Variants in MID1 observed in about 807,000 individuals in gnomAD.
MID1 encodes the protein E3 ubiquitin-protein ligase Midline-1.
In MID1, 7 loss-of-function variants were observed where a neutral mutation model predicts 40.4. The ratio of observed to expected loss-of-function variants is 0.17; its 90% CI spans 0.10 to 0.33. The LOEUF is 0.33. Among genes scored for constraint, MID1 ranks in the 10% least tolerant of loss-of-function variants. The probability of loss-of-function intolerance (pLI) is 1.00; values close to 1 mark genes in which losing one functional copy is unlikely to be tolerated. For missense variants in MID1, 367 were observed against 558.5 expected (o/e 0.66, Z 3.46); for synonymous variants, 229 against 221.2 (o/e 1.04, Z -0.31).
intron 1 of MID1, 69 bp downstream of exon 1, chrX:10,620,221 A>G (rs1352591690): frequency 1.8e-5 from 2 of 112,646 alleles, no homozygotes; most frequent in Non-Finnish European, 1.9e-5. Flanking sequence ...AGCTCTCCGC[A>G]GTAACACGTC....
chrX:10,756,810 T>C (rs760677274), intron 1 of MID1, among the ~76,000 whole-genome samples: 1 of 112,112 alleles, frequency 8.9e-6, no homozygotes, highest in Admixed American at 9.5e-5. Context: ...ATATATAGAT[T>C]TCCAGATAAG....
intron 1 of MID1, among the ~76,000 whole-genome samples, chrX:10,651,949 C>T (rs1477508114): frequency 6.3e-5 from 7 of 111,534 alleles, no homozygotes; most frequent in Non-Finnish European, 1.3e-4. Context: ...TCCTAAGCTC[C>T]AATTGCTTTA....
At chrX:10,568,463 G>A (rs1934633205) in intron 1 of MID1, among the ~76,000 whole-genome samples, 1 of 111,584 alleles carries the variant, frequency 9.0e-6, no homozygotes. Context: ...CATGTGATAA[G>A]TTATGTTATG....
At chrX:10,505,239 A>G (rs1245172684) in intron 3 of MID1, 2 of 476,890 alleles carry the variant, frequency 4.2e-6, no homozygotes, top group African/African-American at 5.3e-5. Context: ...GACTTCTGTC[A>G]CAATTATAAT....
chrX:10,641,879 C>A (rs944340781), intron 1 of MID1, among the ~76,000 whole-genome samples: 2 of 111,613 alleles, frequency 1.8e-5, no homozygotes. Context: ...AATCAGTAAA[C>A]GTAATCCATC....
At chrX:10,592,314 C>CCT (rs768026419) in intron 1 of MID1, among the ~76,000 whole-genome samples, 2 of 100,636 alleles carry the variant, frequency 2.0e-5, no homozygotes, top group East Asian at 6.1e-4. Context: ...GACCATCTGG[C>CCT]CTCTCTCTGC....
At chrX:10,741,464 C>CT (rs35271950) in intron 1 of MID1, among the ~76,000 whole-genome samples, 203 of 100,167 alleles carry the variant, frequency 2.0e-3, no homozygotes, top group Non-Finnish European at 2.5e-3. Flanking sequence ...TCATTCCCCT[C>CT]TTTTTTTTTT....
rs150187469 is a variant in MID1, at chrX:10,603,892, A to T, written c.-57+16398T>A. On this transcript the variant is annotated intron_variant, in intron 1 of 9. Coordinates refer to ENST00000317552, the MANE Select transcript of MID1 (RefSeq NM_000381.4). ...ACCAGGATAAGGTTTGAGACCAAAG[A>T]TCTTTAACTCCCAACGATATAGATT... Among the ~76,000 whole-genome samples, 14 of 111,509 alleles carry T rather than the reference A, an allele frequency of 1.3e-4. No individual in the cohort carries two copies. The East Asian group carries it at 3.9e-3, about 31-fold the overall frequency.
chrX:10,647,638 G>C (rs1466273291), intron 1 of MID1, among the ~76,000 whole-genome samples: 2 of 111,715 alleles, frequency 1.8e-5, no homozygotes, highest in Non-Finnish European at 3.8e-5. Context: ...TATCTATTTG[G>C]GGGTTAGTAG....
At chrX:10,576,005 GA>G (rs1204108526) in intron 1 of MID1, among the ~76,000 whole-genome samples, 4 of 103,332 alleles carry the variant, frequency 3.9e-5, no homozygotes, top group East Asian at 3.0e-4. Context: ...GGGACTGTTT[GA>G]AAAAAAAAAG....
chrX:10,549,152 A>T (rs1169582906), intron 2 of MID1, among the ~76,000 whole-genome samples: 1 of 112,809 alleles, frequency 8.9e-6, no homozygotes, highest in Non-Finnish European at 1.9e-5. Flanking sequence ...GGTAAATACC[A>T]TCAAAATGCA....
At position 10,461,083 on chromosome X, in the gene MID1, A is replaced by AAT. The variant is rs35175429; in HGVS notation, c.1286-1278_1286-1277dup. Among the ~76,000 whole-genome samples the AAT allele has an allele frequency of 1.3e-3, 131 of 99,342 alleles. 1 individual carries two copies. Among genetic ancestry groups the AAT allele is most frequent in the South Asian group, 3.7e-3 (8 of 2,176 alleles). The allele number at this position is 99,342 out of a possible 115,157, so 86.3% of individuals were successfully genotyped here. On this transcript the variant is annotated intron_variant, in intron 7 of 9. Transcript: ENST00000317552. ...TTTTCAAGTACACATCAGTGAATTA[A>AAT]ATATATATATATATATATGTATGTA...
At chrX:10,791,063 T>A (rs944391496) in intron 1 of MID1, among the ~76,000 whole-genome samples, 3 of 112,546 alleles carry the variant, frequency 2.7e-5, no homozygotes, top group African/African-American at 6.5e-5. Context: ...AATTATTGCT[T>A]AAAAGCAATG....
chrX:10,553,505 T>C (rs1050116412), intron 2 of MID1, among the ~76,000 whole-genome samples: 17 of 111,740 alleles, frequency 1.5e-4, no homozygotes, highest in Admixed American at 1.2e-3. Context: ...TAACTAAATA[T>C]GAATATTAAC....
intron 1 of MID1, among the ~76,000 whole-genome samples, chrX:10,710,034 G>A (rs960419): frequency 0.17 from 18,929 of 111,142 alleles, 2,600 homozygotes; most frequent in African/African-American, 0.47. Context: ...TATGGGTCTA[G>A]CCATTGGGGG....
At chrX:10,815,064 C>A (rs2044127274) in intron 1 of MID1, among the ~76,000 whole-genome samples, 1 of 111,776 alleles carries the variant, frequency 8.9e-6, no homozygotes, top group Non-Finnish European at 1.9e-5. Context: ...CCCAAAAGTG[C>A]AATTTCTGGT....
intron 1 of MID1, among the ~76,000 whole-genome samples, chrX:10,707,670 A>C (rs1360014155): frequency 1.8e-5 from 2 of 112,368 alleles, no homozygotes; most frequent in African/African-American, 3.2e-5. Context: ...GCACTATGCT[A>C]ATTTATAGCT....
At chrX:10,470,402 C>A (rs1220143856) in intron 6 of MID1, among the ~76,000 whole-genome samples, 1 of 111,962 alleles carries the variant, frequency 8.9e-6, no homozygotes, top group Non-Finnish European at 1.9e-5. Context: ...AACCCCTGAC[C>A]TATTAATACG....
At chrX:10,530,015 C>G (rs1030570076) in intron 2 of MID1, among the ~76,000 whole-genome samples, 4 of 111,926 alleles carry the variant, frequency 3.6e-5, no homozygotes, top group African/African-American at 1.3e-4. Flanking sequence ...TCAGGCTTTT[C>G]TCATTGGTAC....
Sources: allele counts gnomAD v4.1 joint callset (sites outside exome capture counted in the v4.1 genomes callset), GRCh38; gene constraint gnomAD v4.1.1; transcripts MANE v1.5; gene names NCBI Gene and HGNC (gene_info 2026-07-23, HGNC 2026-07-21).